SLC16A5: variants seen among roughly 807,000 people sequenced by gnomAD.
The protein encoded by SLC16A5 is monocarboxylate transporter 6.
Under a neutral mutation model 33.2 loss-of-function variants are expected in SLC16A5, and 29 were observed. The ratio of observed to expected loss-of-function variants is 0.87; its 90% confidence interval spans 0.65 to 1.19. SLC16A5 has a LOEUF of 1.19. SLC16A5 is among the 50% of genes most tolerant of loss of function. The pLI, the probability that SLC16A5 is intolerant of heterozygous loss-of-function variation, is 0.00. For missense variants in SLC16A5, 606 were observed against 678.2 expected (o/e 0.89, Z 1.18); for synonymous variants, 248 against 284.1 (o/e 0.87, Z 1.28).
chr17:75,097,348 A>G (rs2073733625), intron 3 of SLC16A5, among the ~76,000 whole-genome samples: 2 of 152,042 alleles, frequency 1.3e-5, no homozygotes, highest in African/African-American at 4.8e-5. Flanking sequence ...TGGATTGGTG[A>G]GAAAGCAGCT....
In SLC16A5 at chr17:75,100,205, A is replaced by C. The variant is rs1396243852; in HGVS notation, c.542A>C (p.His181Pro). 2.5e-6 allele frequency: 4 copies of C among 1,614,090 alleles called. No homozygotes were observed. In the South Asian group the frequency reaches 4.4e-5, roughly 18 times the overall value. ...CTTGTCTTCGGCGGGATCTTTCTCC[A>C]CTGCTGCATCTGCGGGGCCATCATA... ...TFLVFGGIFL[H>P]CCICGAIIRP... The change falls in exon 5 of 7, where the codon CAC becomes CCC. Residue 181 changes from histidine to proline, a missense_variant. Transcript: ENST00000329783.
chr17:75,094,233 G>C (rs1003862117), intron 3 of SLC16A5, among the ~76,000 whole-genome samples: 1 of 152,220 alleles, frequency 6.6e-6, no homozygotes, highest in Non-Finnish European at 1.5e-5. Flanking sequence ...GGTGATGCCC[G>C]GCATCCTGCC....
chr17:75,105,287 C>A (rs965974053), intron 6 of SLC16A5: 1 of 985,446 alleles, frequency 1.0e-6, no homozygotes, highest in Non-Finnish European at 1.2e-6. Context: ...CTTCCTTTCC[C>A]CACCCTGTCT....
At chr17:75,110,086 G>T (rs1047123938), downstream of SLC16A5, 1 of 578,672 alleles carries the variant, frequency 1.7e-6, no homozygotes, top group East Asian at 3.0e-5. Flanking sequence ...ACTCCTACAG[G>T]ATTCTGAGAC....
At chr17:75,108,185 G>C (rs1348638849), downstream of SLC16A5, among the ~76,000 whole-genome samples, 4 of 152,154 alleles carry the variant, frequency 2.6e-5, no homozygotes, top group South Asian at 6.2e-4. Flanking sequence ...GATTGCCTGC[G>C]AACCTCTAGA....
chr17:75,102,952 G>A (rs1306597115), intron 5 of SLC16A5, among the ~76,000 whole-genome samples: 2 of 151,542 alleles, frequency 1.3e-5, no homozygotes, highest in African/African-American at 2.4e-5. Context: ...GTGCAGTGGC[G>A]TGATCTCAGC....
At chr17:75,092,859 GTT>G (rs2073660791) in intron 2 of SLC16A5, among the ~76,000 whole-genome samples, 2 of 136,856 alleles carry the variant, frequency 1.5e-5, no homozygotes, top group East Asian at 2.2e-4. Flanking sequence ...GTGTGTGTGT[GTT>G]TATTATTCAG....
At chr17:75,094,721 A>G (rs940168857) in intron 3 of SLC16A5, among the ~76,000 whole-genome samples, 2 of 149,634 alleles carry the variant, frequency 1.3e-5, no homozygotes, top group Middle Eastern at 3.5e-3. Context: ...AGAGGGGGAC[A>G]AGGCAGGAGC....
chr17:75,101,638 T>C (rs1181832792), intron 5 of SLC16A5, among the ~76,000 whole-genome samples: 1 of 150,604 alleles, frequency 6.6e-6, no homozygotes, highest in African/African-American at 2.4e-5. Flanking sequence ...CTGTACCTCC[T>C]TTTTCCTTTT....
intron 3 of SLC16A5, among the ~76,000 whole-genome samples, chr17:75,097,653 C>T (rs2073737748): frequency 1.3e-5 from 2 of 152,024 alleles, no homozygotes; most frequent in Admixed American, 6.6e-5. Flanking sequence ...TGGAACACTG[C>T]CCCGACTCCT....
chr17:75,103,957 C>A lies in SLC16A5; in HGVS notation c.1154-13C>A, dbSNP rs368774800. On this transcript the variant is annotated splice_polypyrimidine_tract_variant and intron_variant, in intron 5 of 6. Transcript: ENST00000329783. ...CCTGGTAGCACTGGCCTAACTTGAT[C>A]TCTGTTCCCCAGGGTTGCTCCTGGA... 110 of 1,612,552 alleles carry A rather than the reference C, an allele frequency of 6.8e-5. 1 individual carries two copies. The African/African-American group carries it at 1.4e-3, about 20-fold the overall frequency.
intron 5 of SLC16A5, among the ~76,000 whole-genome samples, chr17:75,102,001 A>G (rs1041179305): frequency 2.0e-5 from 3 of 152,110 alleles, no homozygotes; most frequent in Admixed American, 1.3e-4. Context: ...AGCTTAGGAG[A>G]GAGTCTGGTG....
Position 75,100,782 on chromosome 17 carries a change from C to T in SLC16A5, c.1119C>T (p.Asp373=), listed in dbSNP as rs775102853. The change falls in exon 5 of 7, where the codon GAC becomes GAT. Residue 373 remains aspartate, a synonymous_variant. Coordinates refer to ENST00000329783, the MANE Select transcript of SLC16A5 (RefSeq NM_004695.4). The part of the protein sequence containing the change: ...PRALGLFTVL[D]GLAFLISPPL... ...CCCTGGGACTCTTCACTGTCCTGGA[C>T]GGCCTTGCTTTCCTCATCTCCCCAC... 2.7e-5 allele frequency: 43 copies of T among 1,608,816 alleles called. No individual in the cohort carries two copies. The highest frequency in any genetic ancestry group is 3.1e-5 in the Non-Finnish European group (36 of 1,176,590).
At chr17:75,092,420 G>A (rs1228798318) in intron 2 of SLC16A5, among the ~76,000 whole-genome samples, 1 of 150,274 alleles carries the variant, frequency 6.7e-6, no homozygotes, top group Non-Finnish European at 1.5e-5. Flanking sequence ...GCAGTGGCAC[G>A]ATCTCAGCTC....
chr17:75,096,868 A>G lies in SLC16A5; in HGVS notation c.200-1170A>G, dbSNP rs1246976232. 1.0e-4 allele frequency among the ~76,000 whole-genome samples: 8 copies of G among 80,072 alleles called. No homozygotes were observed. In the Admixed American group the frequency reaches 1.2e-3, roughly 12 times the overall value. The allele number at this position is 80,072 out of a possible 152,430, so 52.5% of individuals were successfully genotyped here. On this transcript the variant is annotated intron_variant, in intron 3 of 6. Transcript: ENST00000329783. ...TTTTTTTTTTTTTTTTTTTTTTGAG[A>G]TGTAGTTTCACTCTGTCGCCCAGGA...
chr17:75,108,977 A>T (rs1464294951), downstream of SLC16A5, among the ~76,000 whole-genome samples: 2 of 152,188 alleles, frequency 1.3e-5, no homozygotes, highest in East Asian at 3.8e-4. Flanking sequence ...TTTTTAACAC[A>T]AGTGACTCCA....
Position 75,099,995 on chromosome 17 carries a change from CT to C in SLC16A5, c.344-10del, listed in dbSNP as rs1179990004. On this transcript the variant is annotated splice_polypyrimidine_tract_variant and intron_variant, in intron 4 of 6. Coordinates refer to ENST00000329783, the MANE Select transcript of SLC16A5 (RefSeq NM_004695.4). ...GTGCGCCTCCAGGCTGGTTTCCCCT[CT>C]TGCCCCGCAGGCCTGGGCATGTGCT... 1 of 1,601,660 alleles carries C rather than the reference CT, an allele frequency of 6.2e-7. No homozygotes were observed. Among genetic ancestry groups the C allele is most frequent in the Non-Finnish European group, 8.5e-7 (1 of 1,175,806 alleles).
At chr17:75,109,939 T>C, downstream of SLC16A5, 1 of 240,524 alleles carries the variant, frequency 4.2e-6, no homozygotes. The surrounding 1 kb of genome is among the most constrained non-coding windows in gnomAD (Gnocchi z 5.0). Context: ...CCTTCGGGGG[T>C]AGGGACAGCG....
At chr17:75,093,016 T>G (rs1201607082) in intron 2 of SLC16A5, among the ~76,000 whole-genome samples, 5 of 151,984 alleles carry the variant, frequency 3.3e-5, no homozygotes, top group Admixed American at 3.3e-4. Flanking sequence ...GTTGGGTGCT[T>G]GTTAAACTCC....
Sources: allele counts gnomAD v4.1 joint callset (sites outside exome capture counted in the v4.1 genomes callset), GRCh38; gene constraint gnomAD v4.1.1; non-coding constraint Gnocchi (gnomAD v3.1); transcripts MANE v1.5; gene names NCBI Gene and HGNC (gene_info 2026-07-23, HGNC 2026-07-21).